Variants in STXBP4 observed in about 807,000 individuals in gnomAD.
The protein encoded by STXBP4 is syntaxin-binding protein 4.
STXBP4 carries 55 observed loss-of-function variants against 76.1 expected under a neutral mutation model. That is an observed-to-expected ratio of 0.72 (90% CI 0.58 to 0.91). STXBP4 has a LOEUF of 0.91. STXBP4 is among the 40% of genes least tolerant of loss of function. STXBP4 has a pLI of 0.00. For synonymous variants in STXBP4, 201 were observed against 220.2 expected (o/e 0.91, Z 0.77); for missense variants, 618 against 636.9 (o/e 0.97, Z 0.32).
intron 10 of STXBP4, among the ~76,000 whole-genome samples, chr17:55,037,883 A>T (rs1235349947): frequency 1.3e-5 from 2 of 152,176 alleles, no homozygotes; most frequent in Non-Finnish European, 2.9e-5. Context: ...AATTTTAGTC[A>T]TGTGGCTCAC....
At chr17:55,209,004 C>T in the STXBP4 span, among the ~76,000 whole-genome samples, 1 of 151,936 alleles carries the variant, frequency 6.6e-6, no homozygotes, top group African/African-American at 2.4e-5. Context: ...ATCACCTGAA[C>T]CTGGGAGGTG....
chr17:55,090,076 C>G (rs1441007054), intron 16 of STXBP4, among the ~76,000 whole-genome samples: 1 of 151,972 alleles, frequency 6.6e-6, no homozygotes, highest in Non-Finnish European at 1.5e-5. Flanking sequence ...TGGCAGGAAC[C>G]CTGGCAGGAG....
chr17:55,096,845 A>G (rs2079493210), intron 16 of STXBP4, among the ~76,000 whole-genome samples: 2 of 152,150 alleles, frequency 1.3e-5, no homozygotes, highest in African/African-American at 4.8e-5. Context: ...AGACAGAGTT[A>G]ATAGCTCTTT....
At position 55,034,247 on chromosome 17, in the gene STXBP4, A is replaced by G. The variant is rs114169071; in HGVS notation, c.843A>G (p.Ile281Met). 4.3e-5 allele frequency: 69 copies of G among 1,611,240 alleles called. No homozygotes were observed. The African/African-American group carries it at 7.1e-4, about 17-fold the overall frequency. Residue 281 changes from isoleucine (I) to methionine (M), a missense_variant, in exon 10 of 18, where the codon ATA becomes ATG. Transcript: ENST00000376352. ...TTGGTGCACATGAAATTTCCAATATATTAGATTCACAGGTAGAGTATGCCC... is the reference window on the plus strand; with the variant it reads ...TTGGTGCACATGAAATTTCCAATATGTTAGATTCACAGGTAGAGTATGCCC... ...VNVGAHEISN[I>M]LDSQLLPCDS...
At chr17:55,000,930 C>A in intron 7 of STXBP4, 47 bp downstream of exon 7, 1 of 1,286,032 alleles carries the variant, frequency 7.8e-7, no homozygotes, top group Non-Finnish European at 1.1e-6. Context: ...TTTCAATTCT[C>A]TCTCAATGAG....
intron 16 of STXBP4, among the ~76,000 whole-genome samples, chr17:55,118,020 A>C (rs1290242366): frequency 6.6e-6 from 1 of 151,954 alleles, no homozygotes; most frequent in Non-Finnish European, 1.5e-5. Context: ...AGCAAAACTA[A>C]AACACTACTT....
At chr17:55,113,208 G>C (rs1030396765) in intron 16 of STXBP4, among the ~76,000 whole-genome samples, 1 of 133,240 alleles carries the variant, frequency 7.5e-6, no homozygotes, top group Non-Finnish European at 1.6e-5. Context: ...TAGATTTTAG[G>C]TGCTCTTACC....
At chr17:55,069,339 A>T (rs187174655) in intron 12 of STXBP4, among the ~76,000 whole-genome samples, 38 of 152,268 alleles carry the variant, frequency 2.5e-4, no homozygotes, top group Non-Finnish European at 2.5e-4. Context: ...TCTATCTAGT[A>T]CATAGTAAAT....
intron 12 of STXBP4, among the ~76,000 whole-genome samples, chr17:55,070,254 A>T (rs997744247): frequency 1.3e-5 from 2 of 152,148 alleles, no homozygotes; most frequent in African/African-American, 4.8e-5. Flanking sequence ...AGACATATCC[A>T]TGGCAGTGTG....
chr17:55,182,312 A>G, the STXBP4 span, among the ~76,000 whole-genome samples: 3 of 152,232 alleles, frequency 2.0e-5, no homozygotes, highest in African/African-American at 7.2e-5. Flanking sequence ...GCTAAAAGAT[A>G]TAACCAAAAT....
chr17:55,161,784 C>G lies in STXBP4; in HGVS notation c.*1873C>G, dbSNP rs150523265. 2 of 152,238 alleles carry G rather than the reference C, an allele frequency of 1.3e-5. No homozygotes were observed. The highest frequency in any genetic ancestry group is 4.8e-5 in the African/African-American group (2 of 41,530). 9.4% of individuals were successfully genotyped at this position (152,238 alleles called of 1,614,324 possible). A position where few individuals can be genotyped will look rare whatever the true frequency, so the allele number is the denominator to read the frequency against. On this transcript the variant is annotated 3_prime_UTR_variant, in exon 18 of 18. Coordinates refer to ENST00000376352, the MANE Select transcript of STXBP4 (RefSeq NM_178509.6). ...TATTTATGATCTTCTTAAAACCATT[C>G]CATGAAATAGGAACTGTAATTATCC...
At chr17:55,093,398 G>T (rs2079443470) in intron 16 of STXBP4, among the ~76,000 whole-genome samples, 1 of 152,110 alleles carries the variant, frequency 6.6e-6, no homozygotes, top group South Asian at 2.1e-4. Context: ...TCCTAGAATT[G>T]GGGTGATGTT....
Position 55,170,686 on chromosome 17 carries a change from A to G in STXBP4, c.*10775A>G, listed in dbSNP as rs978186707. 1 of 152,202 alleles carries G rather than the reference A, an allele frequency of 6.6e-6. No homozygotes were observed. Among genetic ancestry groups the G allele is most frequent in the African/African-American group, 2.4e-5 (1 of 41,458 alleles). The allele number at this position is 152,202 out of a possible 1,614,324, so 9.4% of individuals were successfully genotyped here. Reference sequence around the variant, plus strand: ...GTAGGGACTGGAAAGATCAGAGATTATGTTATGGCCATGAATGAGGCCTGA... The same window carrying G: ...GTAGGGACTGGAAAGATCAGAGATTGTGTTATGGCCATGAATGAGGCCTGA... On this transcript the variant is annotated 3_prime_UTR_variant, in exon 18 of 18. Transcript: ENST00000376352.
At chr17:55,153,764 T>C (rs2080242422) in intron 17 of STXBP4, among the ~76,000 whole-genome samples, 1 of 152,324 alleles carries the variant, frequency 6.6e-6, no homozygotes, top group East Asian at 1.9e-4. Context: ...AGGGGGAATT[T>C]AACGTGGAAA....
chr17:55,036,920 T>G (rs2078613489), intron 10 of STXBP4, among the ~76,000 whole-genome samples: 1 of 152,118 alleles, frequency 6.6e-6, no homozygotes, highest in Non-Finnish European at 1.5e-5. Context: ...AATATATAAT[T>G]AATTTATTGA....
chr17:54,995,450 A>G (rs1447014918), intron 4 of STXBP4, among the ~76,000 whole-genome samples: 3 of 152,218 alleles, frequency 2.0e-5, no homozygotes, highest in Non-Finnish European at 4.4e-5. Context: ...TAAGATATAC[A>G]TTAAAACATA....
intron 1 of STXBP4, among the ~76,000 whole-genome samples, chr17:54,974,129 A>G (rs927511524): frequency 2.6e-5 from 4 of 152,138 alleles, no homozygotes; most frequent in Non-Finnish European, 5.9e-5. Flanking sequence ...ACTGAACTGT[A>G]TTTTCTAGTG....
intron 16 of STXBP4, among the ~76,000 whole-genome samples, chr17:55,095,876 A>G (rs1361664924): frequency 4.6e-5 from 7 of 152,182 alleles, no homozygotes; most frequent in African/African-American, 1.4e-4. Flanking sequence ...CAGGGTTCCT[A>G]ATAAATCCTG....
chr17:55,007,482 A>G, intron 7 of STXBP4, 24 bp from the exon 8 acceptor site: 1 of 1,560,868 alleles, frequency 6.4e-7, no homozygotes, highest in South Asian at 1.1e-5. Flanking sequence ...GTTCCCAATT[A>G]ATGTGCACCC....
Sources: gnomAD v4.1 joint callset for allele counts (sites outside exome capture counted in the v4.1 genomes callset) on GRCh38, gnomAD v4.1.1 for gene constraint, MANE v1.5 for transcripts, NCBI Gene and HGNC (gene_info 2026-07-23, HGNC 2026-07-21) for gene names.